Variants in AOAH observed in about 807,000 individuals in gnomAD.
AOAH encodes acyloxyacyl hydrolase (neutrophil).
AOAH carries 64 observed loss-of-function variants against 92.2 expected under a neutral mutation model. That is an observed-to-expected ratio of 0.69 (90% confidence interval 0.57 to 0.86). The LOEUF (loss-of-function observed/expected upper bound fraction) is 0.86. Ranked by LOEUF, AOAH falls within the 40% of genes least tolerant of loss-of-function variation. The pLI is 0.00. For missense variants in AOAH, 656 were observed against 694.6 expected (o/e 0.94, Z 0.62); for synonymous variants, 263 against 254.5 (o/e 1.03, Z -0.32).
chr7:36,518,273 A>G (rs34654470), intron 20 of AOAH, among the ~76,000 whole-genome samples: 43,044 of 151,964 alleles, frequency 0.28, 7,165 homozygotes, highest in Middle Eastern at 0.45. Context: ...GCAGTGACGC[A>G]ATCTTGGCTC....
At chr7:36,594,255 C>T in intron 12 of AOAH, 84 bp downstream of exon 12, 1 of 1,102,594 alleles carries the variant, frequency 9.1e-7, no homozygotes, top group Non-Finnish European at 1.4e-6. Flanking sequence ...ATTCGCATTT[C>T]AACATCTTGG....
At chr7:36,604,310 G>T (rs573285691) in intron 11 of AOAH, among the ~76,000 whole-genome samples, 1 of 152,134 alleles carries the variant, frequency 6.6e-6, no homozygotes, top group South Asian at 2.1e-4. Flanking sequence ...GGTAATATTT[G>T]CTTTCTATTA....
chr7:36,560,914 T>A (rs114106064), intron 13 of AOAH, among the ~76,000 whole-genome samples: 2,433 of 152,226 alleles, frequency 0.016, 59 homozygotes, highest in African/African-American at 0.054. Context: ...CTTTACCTAC[T>A]CCATCCATTT....
intron 1 of AOAH, among the ~76,000 whole-genome samples, chr7:36,710,394 C>A (rs760052601): frequency 2.6e-5 from 4 of 152,204 alleles, no homozygotes; most frequent in Admixed American, 6.5e-5. Context: ...TGATCCCTAA[C>A]TGATGGCTGG....
chr7:36,711,642 A>AG (rs1273020716), intron 1 of AOAH, among the ~76,000 whole-genome samples: 1 of 152,188 alleles, frequency 6.6e-6, no homozygotes, highest in African/African-American at 2.4e-5. Context: ...TATGGAGAAG[A>AG]GAGAGTGTAT....
intron 12 of AOAH, among the ~76,000 whole-genome samples, chr7:36,578,247 TTGGA>T (rs139643942): frequency 0.091 from 13,917 of 152,218 alleles, 729 homozygotes; most frequent in Admixed American, 0.14. Flanking sequence ...CTGAGTTATA[TTGGA>T]AAATTAAAAT....
chr7:36,651,671 T>C (rs1794583621), intron 4 of AOAH, among the ~76,000 whole-genome samples: 3 of 152,210 alleles, frequency 2.0e-5, no homozygotes, highest in African/African-American at 7.2e-5. Context: ...CCAGAATCTA[T>C]GCTAAACACA....
chr7:36,668,406 G>A (rs961273530), intron 3 of AOAH, among the ~76,000 whole-genome samples: 4 of 152,270 alleles, frequency 2.6e-5, no homozygotes, highest in Non-Finnish European at 4.4e-5. Context: ...TTTTGCCCTG[G>A]AAAGTTGTGA....
intron 13 of AOAH, among the ~76,000 whole-genome samples, chr7:36,561,981 T>C (rs1357690267): frequency 6.6e-6 from 1 of 151,982 alleles, no homozygotes; most frequent in African/African-American, 2.4e-5. Flanking sequence ...ACCCAAGGAG[T>C]GAGGACTTGT....
chr7:36,596,511 A>C (rs1280389922), intron 11 of AOAH, among the ~76,000 whole-genome samples: 1 of 152,176 alleles, frequency 6.6e-6, no homozygotes, highest in Non-Finnish European at 1.5e-5. Context: ...ATGGGCCCCC[A>C]GTCCAGTATG....
intron 16 of AOAH, among the ~76,000 whole-genome samples, chr7:36,535,059 TGTGTGTATCC>T (rs1784950975): frequency 6.7e-6 from 1 of 148,792 alleles, no homozygotes; most frequent in Non-Finnish European, 1.5e-5. Flanking sequence ...TGTGTCTGTG[TGTGTGTATCC>T]GTGTGTGTCT....
intron 12 of AOAH, among the ~76,000 whole-genome samples, chr7:36,587,028 T>G (rs1377878388): frequency 2.6e-5 from 4 of 151,792 alleles, no homozygotes; most frequent in Admixed American, 6.6e-5. Flanking sequence ...TCCCAGCACG[T>G]TGGGAGGCTG....
intron 13 of AOAH, among the ~76,000 whole-genome samples, chr7:36,563,930 C>T (rs1162275192): frequency 6.6e-6 from 1 of 152,188 alleles, no homozygotes; most frequent in Non-Finnish European, 1.5e-5. Flanking sequence ...GCAGTTTCTA[C>T]TACTGTAAAT....
intron 12 of AOAH, 90 bp downstream of exon 12, chr7:36,594,249 G>T (rs555724313): frequency 5.2e-4 from 514 of 996,316 alleles, no homozygotes; most frequent in Non-Finnish European, 7.5e-4. Context: ...CTAATAATTC[G>T]CATTTCAACA....
intron 6 of AOAH, among the ~76,000 whole-genome samples, chr7:36,631,696 C>A (rs1793117280): frequency 6.6e-6 from 1 of 152,122 alleles, no homozygotes; most frequent in Admixed American, 6.5e-5. Flanking sequence ...CCACCCTGGT[C>A]CATAGTTCAC....
At chr7:36,684,906 C>CAAAAAAAAAAAAAAAAAAAAAAAAAA (rs57827044) in intron 2 of AOAH, among the ~76,000 whole-genome samples, 2 of 59,986 alleles carry the variant, frequency 3.3e-5, no homozygotes, top group Non-Finnish European at 2.9e-5. Flanking sequence ...GACCTTGTCT[C>CAAAAAAAAAAAAAAAAAAAAAAAAAA]AAAAAAAAAA....
intron 5 of AOAH, among the ~76,000 whole-genome samples, chr7:36,632,801 G>C (rs545334690): frequency 6.6e-6 from 1 of 152,230 alleles, no homozygotes; most frequent in African/African-American, 2.4e-5. Flanking sequence ...TGAGTCCTTC[G>C]AATGGCTATG....
At chr7:36,668,195 G>T (rs4621705) in intron 3 of AOAH, among the ~76,000 whole-genome samples, 71,050 of 151,640 alleles carry the variant, frequency 0.47, 17,137 homozygotes, top group African/African-American at 0.54. Context: ...AGAGGTTTTT[G>T]TGTGTGTGTG....
At chr7:36,530,034 C>T (rs1784598531) in intron 19 of AOAH, among the ~76,000 whole-genome samples, 1 of 152,158 alleles carries the variant, frequency 6.6e-6, no homozygotes, top group Admixed American at 6.5e-5. Flanking sequence ...TCAGGGCCCA[C>T]TGTGAGAGGT....
Sources: gnomAD v4.1 joint callset for allele counts (sites outside exome capture counted in the v4.1 genomes callset) on GRCh38, gnomAD v4.1.1 for gene constraint, MANE v1.5 for transcripts, NCBI Gene and HGNC (gene_info 2026-07-23, HGNC 2026-07-21) for gene names.